ANGEL1: variants seen among roughly 807,000 people sequenced by gnomAD.
ANGEL1 encodes the protein RNA 2',3'-cyclic phosphatase ANGEL1.
A neutral mutation model predicts 76.4 loss-of-function variants in ANGEL1; 62 were observed. That is an observed-to-expected ratio of 0.81 (90% confidence interval 0.66 to 1.00). The LOEUF is 1.00. ANGEL1 is among the 50% of genes least tolerant of loss of function. The pLI is 0.00. For missense variants in ANGEL1, 737 were observed against 836.7 expected, an observed-to-expected ratio of 0.88 and a Z score of 1.47; for synonymous variants, 340 against 331.7, an observed-to-expected ratio of 1.03 and a Z score of -0.27.
rs1454880417 is a variant in ANGEL1 at position 76,789,081 on chromosome 14, CT to C, written c.*146del. 2 of 1,137,970 alleles carry C rather than the reference CT, an allele frequency of 1.8e-6. No individual in the cohort carries two copies. The highest frequency in any genetic ancestry group is 1.6e-5 in the African/African-American group (1 of 64,458). The allele number at this position is 1,137,970 out of a possible 1,614,324, so 70.5% of individuals were successfully genotyped here. A position where few individuals can be genotyped will look rare whatever the true frequency, so the allele number is the denominator to read the frequency against. On this transcript the variant is annotated 3_prime_UTR_variant, in exon 10 of 10. Coordinates refer to ENST00000251089, the MANE Select transcript of ANGEL1 (RefSeq NM_015305.4). ...GAACGCAGCCAGGCCTGGAGAAAGT[CT>C]AACCGTGGGAAAAAGGGAACGAGGA...
chr14:76,806,544 C>T lies in ANGEL1; in HGVS notation c.1252G>A (p.Ala418Thr). 1 of 1,614,228 alleles carries T rather than the reference C, an allele frequency of 6.2e-7. No individual in the cohort carries two copies. Among genetic ancestry groups the T allele is most frequent in the Non-Finnish European group, 8.5e-7 (1 of 1,180,036 alleles). Residue 418 changes from alanine (A) to threonine (T), a missense_variant, in exon 5 of 10, where the codon GCC becomes ACC. Ala to Thr is a moderately conservative substitution (Grantham distance 58). Coordinates refer to ENST00000251089, the MANE Select transcript of ANGEL1 (RefSeq NM_015305.4). ...AILLAEVDKVARLSDGSHCPI... is the reference protein window; with the variant it reads ...AILLAEVDKVTRLSDGSHCPI... ...CAGTGGCTGCCATCTGACAGTCTGGCCACCTTGTCCACTTCCGCCAGGAGA... is the reference window on the plus strand; with the variant it reads ...CAGTGGCTGCCATCTGACAGTCTGGTCACCTTGTCCACTTCCGCCAGGAGA...
chr14:76,812,682 C>A, intron 1 of ANGEL1, 82 bp downstream of exon 1: 1 of 1,413,620 alleles, frequency 7.1e-7, no homozygotes, highest in Non-Finnish European at 9.2e-7. Flanking sequence ...GCCCGGCCAA[C>A]CGCACGCCGC....
intron 9 of ANGEL1, among the ~76,000 whole-genome samples, chr14:76,789,860 A>G (rs1252512041): frequency 2.0e-5 from 1 of 49,086 alleles, no homozygotes; most frequent in Admixed American, 1.9e-4. Context: ...ATGCCTGGCT[A>G]ATTTTTTTTT....
intron 7 of ANGEL1, among the ~76,000 whole-genome samples, chr14:76,793,388 GAGA>G: frequency 1.5e-5 from 1 of 65,666 alleles, no homozygotes; most frequent in Non-Finnish European, 3.3e-5. Context: ...GAGGAGAGGG[GAGA>G]GGAGGGGAGA....
In ANGEL1 at chr14:76,786,118, AATG is replaced by A. The variant is rs922448311; in HGVS notation, c.*3107_*3109del. Reference sequence around the variant, plus strand: ...ACCAGCTGAACAGGCCAAGAGGACAAATGATGTTTCTAATTCCTAGCTGAGTTT... The same window carrying A: ...ACCAGCTGAACAGGCCAAGAGGACAAATGTTTCTAATTCCTAGCTGAGTTT... On this transcript the variant is annotated 3_prime_UTR_variant, in exon 10 of 10. Coordinates refer to ENST00000251089, the MANE Select transcript of ANGEL1 (RefSeq NM_015305.4). 3 of 153,042 alleles carry A rather than the reference AATG, an allele frequency of 2.0e-5. No individual in the cohort carries two copies. Among genetic ancestry groups the A allele is most frequent in the Admixed American group, 1.3e-4 (2 of 15,298 alleles). 9.5% of individuals were successfully genotyped at this position (153,042 alleles called of 1,614,324 possible).
At position 76,806,648 on chromosome 14, in the gene ANGEL1, A is replaced by G; in HGVS notation, c.1148T>C (p.Val383Ala). ...GGTATTTGCCACACACAGCGGGGCCACCGAGACTTGTCCCAGGCCTTCTGG... is the reference window on the plus strand; with the variant it reads ...GGTATTTGCCACACACAGCGGGGCCGCCGAGACTTGTCCCAGGCCTTCTGG... The part of the protein sequence containing the change: ...LVPEGLGQVS[V>A]APLCVANTHI... The change falls in exon 5 of 10, where the codon GTG (valine) becomes GCG (alanine). Residue 383 changes from valine (V) to alanine (A), a missense_variant. Transcript: ENST00000251089. The G allele has an allele frequency of 6.2e-7, 1 of 1,614,060 alleles. No individual in the cohort carries two copies.
intron 7 of ANGEL1, among the ~76,000 whole-genome samples, chr14:76,796,661 G>C (rs911533583): frequency 1.3e-5 from 2 of 152,122 alleles, no homozygotes; most frequent in Admixed American, 1.3e-4. Context: ...CTTCTCTGCT[G>C]TCAATGTTCG....
At chr14:76,807,772 C>G (rs945436610) in intron 3 of ANGEL1, 150 bp downstream of exon 3, 33 of 850,460 alleles carry the variant, frequency 3.9e-5, no homozygotes, top group Non-Finnish European at 5.9e-5. Flanking sequence ...CATCTGCCAA[C>G]AACTCACTGA....
Position 76,807,919 on chromosome 14 carries a change from C to T in ANGEL1, c.876+3G>A. ...AAGATGGCAATTCCCCCTCTTCACT[C>T]ACATCAGGGTCCCAGTGCTGGAATT... On this transcript the variant is annotated splice_donor_region_variant and intron_variant, in intron 3 of 9. Coordinates refer to ENST00000251089, the MANE Select transcript of ANGEL1 (RefSeq NM_015305.4). 6.2e-7 allele frequency: 1 copy of T among 1,613,662 alleles called. No individual in the cohort carries two copies. Among genetic ancestry groups the T allele is most frequent in the Non-Finnish European group, 8.5e-7 (1 of 1,179,996 alleles).
chr14:76,789,468 G>C, intron 9 of ANGEL1, 80 bp from the exon 10 acceptor site: 2 of 1,537,040 alleles, frequency 1.3e-6, no homozygotes, highest in Non-Finnish European at 1.8e-6. Context: ...AGTCCTTTGG[G>C]AACGCCTTCT....
Position 76,789,264 on chromosome 14 carries a change from C to T in ANGEL1, c.1977G>A (p.Leu659=). The change falls in exon 10 of 10, where the codon CTG becomes CTA. Residue 659 remains leucine (L), a synonymous_variant. Coordinates refer to ENST00000251089, the MANE Select transcript of ANGEL1 (RefSeq NM_015305.4). ...NPFCSSDHLC[L]LASFGMEVTA... is the part of the protein sequence containing the mutation. ...TGACTTCCATCCCGAAGCTGGCTAG[C>T]AGGCAGAGGTGGTCTGAAGAGCAGA... is the stretch of plus-strand genomic sequence containing the variant. 2.5e-6 allele frequency: 4 copies of T among 1,614,202 alleles called. No individual in the cohort carries two copies. The highest frequency in any genetic ancestry group is 3.4e-6 in the Non-Finnish European group (4 of 1,180,034).
At chr14:76,811,588 T>C (rs565499643) in intron 1 of ANGEL1, among the ~76,000 whole-genome samples, 7 of 150,918 alleles carry the variant, frequency 4.6e-5, no homozygotes, top group South Asian at 2.1e-4. Flanking sequence ...TGGACTAGTA[T>C]ACTGTATCAC....
intron 8 of ANGEL1, among the ~76,000 whole-genome samples, 199 bp from the exon 9 acceptor site, chr14:76,790,973 C>T (rs1257784912): frequency 1.3e-5 from 2 of 151,976 alleles, no homozygotes; most frequent in East Asian, 3.9e-4. Context: ...TACTGAGACT[C>T]CCTAACACTC....
At chr14:76,803,737 C>CAAAATGGGCATG (rs1450968801) in intron 6 of ANGEL1, 49 bp downstream of exon 6, 1 of 1,557,864 alleles carries the variant, frequency 6.4e-7, no homozygotes, top group Non-Finnish European at 8.7e-7. Flanking sequence ...AGCTTTCTCC[C>CAAAATGGGCATG]AAAATGGGCA....
At chr14:76,793,876 T>C (rs1262513431) in intron 7 of ANGEL1, among the ~76,000 whole-genome samples, 2 of 152,156 alleles carry the variant, frequency 1.3e-5, no homozygotes, top group Non-Finnish European at 2.9e-5. Context: ...AGAAAAATTA[T>C]AACAATATAT....
intron 5 of ANGEL1, chr14:76,804,284 T>A: frequency 8.0e-7 from 1 of 1,250,178 alleles, no homozygotes; most frequent in South Asian, 2.3e-5. Flanking sequence ...ATCCTCATCT[T>A]TGGATCTTCT....
rs1313872498 is a variant in ANGEL1, at chr14:76,807,337, G to T, written c.946+96C>A. 1.4e-5 allele frequency: 18 copies of T among 1,267,520 alleles called. No individual in the cohort carries two copies. In the Admixed American group the frequency reaches 3.5e-4, roughly 25 times the overall value. The allele number at this position is 1,267,520 out of a possible 1,614,324, so 78.5% of individuals were successfully genotyped here. On this transcript the variant is annotated intron_variant, in intron 4 of 9. Coordinates refer to ENST00000251089, the MANE Select transcript of ANGEL1 (RefSeq NM_015305.4). ...AGCTAGCTCACAGGTGAAACTGAGG[G>T]TTTACTAAGACAAAAGGAAAGGATG...
chr14:76,812,309 G>A, intron 1 of ANGEL1: 5 of 998,180 alleles, frequency 5.0e-6, no homozygotes, highest in Non-Finnish European at 6.0e-6. Context: ...GTTAACCTGG[G>A]GAAGATCGGT....
intron 5 of ANGEL1, among the ~76,000 whole-genome samples, chr14:76,805,667 GA>G (rs199818406): frequency 2.0e-5 from 3 of 151,806 alleles, no homozygotes; most frequent in East Asian, 1.9e-4. Context: ...ATTGCTGAGT[GA>G]AAAAAAACAA....
Sources: allele counts gnomAD v4.1 joint callset (sites outside exome capture counted in the v4.1 genomes callset), GRCh38; gene constraint gnomAD v4.1.1; transcripts MANE v1.5; gene names NCBI Gene and HGNC (gene_info 2026-07-23, HGNC 2026-07-21).